Variants in SEMA6C observed in about 807,000 individuals in gnomAD.
SEMA6C encodes the protein semaphorin-6C.
In SEMA6C, 37 loss-of-function variants were observed where a neutral mutation model predicts 72.9. That is an observed-to-expected ratio of 0.51 (90% CI 0.39 to 0.67). SEMA6C has a LOEUF of 0.67. Ranked by LOEUF, SEMA6C falls within the 30% of genes least tolerant of loss-of-function variation. SEMA6C has a pLI of 0.00. For missense variants in SEMA6C, 1,189 were observed against 1,263.6 expected, an observed-to-expected ratio of 0.94 and a Z score of 0.89; for synonymous variants, 578 against 554.1, an observed-to-expected ratio of 1.04 and a Z score of -0.61.
intron 15 of SEMA6C, 116 bp from the exon 16 acceptor site, chr1:151,134,991 C>T: frequency 1.5e-6 from 2 of 1,322,176 alleles, no homozygotes; most frequent in Non-Finnish European, 2.2e-6. Context: ...CTCTCCTGTC[C>T]ACCTCAGTCT....
chr1:151,138,297 C>G lies in SEMA6C; in HGVS notation c.547+19G>C, dbSNP rs11809979. ...TCCCTCCAGCCACATGCTTTCTTCT[C>G]ACATGCCCAGTTGCACACCTGCAAA... On this transcript the variant is annotated intron_variant, in intron 8 of 18. Coordinates refer to ENST00000368914, the MANE Select transcript of SEMA6C (RefSeq NM_030913.6). 2.0e-3 allele frequency: 3,162 copies of G among 1,612,472 alleles called. 64 individuals are homozygous for G. In the African/African-American group the frequency reaches 0.038, roughly 19 times the overall value.
rs1361288808 is a variant in SEMA6C, at chr1:151,133,153, C to G, written c.2124G>C (p.Pro708=). The G allele has an allele frequency of 6.5e-7, 1 of 1,550,372 alleles. No individual in the cohort carries two copies. Among genetic ancestry groups the G allele is most frequent in the Admixed American group, 2.0e-5 (1 of 50,878 alleles). ...LPTPESTPEL[P]VKHLRAAGDP... ...CCCCGGCGGCGCGGAGGTGCTTGAC[C>G]GGCAGCTCCGGCGTGGACTCGGGGG... Residue 708 remains proline (P), a synonymous_variant, in exon 19 of 19, where the codon CCG becomes CCC. Transcript: ENST00000368914. This position sits in a 1 kb window ranked among gnomAD's most constrained non-coding sequence, Gnocchi z 5.9.
Position 151,133,090 on chromosome 1 carries a change from C to G in SEMA6C, c.2187G>C (p.Lys729Asn). 1 of 1,556,020 alleles carries G rather than the reference C, an allele frequency of 6.4e-7. No individual in the cohort carries two copies. Among genetic ancestry groups the G allele is most frequent in the Middle Eastern group, 1.7e-4 (1 of 5,762 alleles). Residue 729 changes from lysine (K) to asparagine (N), a missense_variant, in exon 19 of 19, where the codon AAG becomes AAC. Around this residue, in one of 2 missense-constraint regions of SEMA6C, gnomAD observed 721 missense variants for 686.2 expected, o/e 1.05. Coordinates refer to ENST00000368914, the MANE Select transcript of SEMA6C (RefSeq NM_030913.6). The surrounding 1 kb of genome is among the most constrained non-coding windows in gnomAD (Gnocchi z 5.9). ...WEWNQNRNNAKEGPGRSRGGH... is the reference protein window; with the variant it reads ...WEWNQNRNNANEGPGRSRGGH... ...CGCCCCGTGAGCGGCCCGGACCCTCCTTGGCGTTGTTCCTGTTCTGGTTCC... is the reference window on the plus strand; with the variant it reads ...CGCCCCGTGAGCGGCCCGGACCCTCGTTGGCGTTGTTCCTGTTCTGGTTCC...
intron 3 of SEMA6C, among the ~76,000 whole-genome samples, chr1:151,141,010 A>G (rs1572042113): frequency 6.6e-6 from 1 of 151,520 alleles, no homozygotes; most frequent in Non-Finnish European, 1.5e-5. Context: ...AAAAAAAAAA[A>G]ATTCATAATG....
At chr1:151,139,806 T>C (rs1682379890) in intron 4 of SEMA6C, 105 bp from the exon 5 acceptor site, 1 of 1,275,408 alleles carries the variant, frequency 7.8e-7, no homozygotes, top group Non-Finnish European at 1.1e-6. Context: ...GCCCTCCCCT[T>C]CCCCCTTCCT....
At chr1:151,138,977 C>T (rs1682287109) in intron 6 of SEMA6C, among the ~76,000 whole-genome samples, 1 of 151,734 alleles carries the variant, frequency 6.6e-6, no homozygotes, top group African/African-American at 2.4e-5. Context: ...CCTGTAATCC[C>T]AGCTACTTGG....
rs933716386 is a variant in SEMA6C, at chr1:151,132,752, G to A, written c.2525C>T (p.Pro842Leu). The change falls in exon 19 of 19, where the codon CCC (proline) becomes CTC (leucine). Residue 842 changes from proline (P) to leucine (L), a missense_variant. Pro to Leu is a moderately conservative substitution (Grantham distance 98). Transcript: ENST00000368914. ...PARPALSAPA[P>L]RLGVGGGRRL... Reference sequence around the variant, plus strand: ...CCGGCCTCCGCCGACGCCCAGCCGGGGAGCGGGGGCGGAGAGCGCGGGCCG... The same window carrying A: ...CCGGCCTCCGCCGACGCCCAGCCGGAGAGCGGGGGCGGAGAGCGCGGGCCG... 8.6e-5 allele frequency: 125 copies of A among 1,445,652 alleles called. No individual in the cohort carries two copies. The highest frequency in any genetic ancestry group is 1.0e-4 in the Non-Finnish European group (113 of 1,099,290). The allele number at this position is 1,445,652 out of a possible 1,614,324, so 89.6% of individuals were successfully genotyped here.
rs587715118 is a variant in SEMA6C at position 151,135,584 on chromosome 1, G to T, written c.1433+7C>A. On this transcript the variant is annotated splice_region_variant and intron_variant, in intron 14 of 18. Transcript: ENST00000368914. ...TTTGCAGGGGGCCTGCCCTCCAAAG[G>T]CCTCACCGGGCAGGGCTGTAGGCAT... 1.2e-5 allele frequency: 19 copies of T among 1,609,162 alleles called. No homozygotes were observed. In the East Asian group the frequency reaches 3.6e-4, roughly 30 times the overall value.
At chr1:151,140,743 C>G (rs148372732) in intron 3 of SEMA6C, among the ~76,000 whole-genome samples, 145 of 152,292 alleles carry the variant, frequency 9.5e-4, no homozygotes, top group African/African-American at 3.4e-3. Flanking sequence ...GCCTGTAATC[C>G]CAGCACTTTG....
chr1:151,136,246 C>G, intron 12 of SEMA6C, 83 bp from the exon 13 acceptor site: 2 of 1,566,968 alleles, frequency 1.3e-6, no homozygotes, highest in Non-Finnish European at 1.7e-6. Flanking sequence ...GCTCCCAAAC[C>G]TGACTGGAAA....
rs1435128873 is a variant in SEMA6C at position 151,132,552 on chromosome 1, G to A, written c.2725C>T (p.Leu909=). ...GAGGGCCCGACGAGGGGAGGCTTCA[G>A]GGACAACTGGGGCTTCTCGACGTCC... ...RVDVEKPQLS[L]KPPLVGPSSR... is the part of the protein sequence containing the mutation. The change falls in exon 19 of 19, where the codon CTG becomes TTG. Residue 909 remains leucine (L), a synonymous_variant. Coordinates refer to ENST00000368914, the MANE Select transcript of SEMA6C (RefSeq NM_030913.6). The A allele has an allele frequency of 1.3e-5, 20 of 1,550,966 alleles. No homozygotes were observed.
At chr1:151,139,562 C>G in intron 5 of SEMA6C, 76 bp downstream of exon 5, 2 of 1,603,662 alleles carry the variant, frequency 1.2e-6, no homozygotes, top group Non-Finnish European at 1.7e-6. Context: ...GATTCTTCTT[C>G]CCACCCACCT....
chr1:151,142,985 C>T (rs1327583168), intron 2 of SEMA6C, among the ~76,000 whole-genome samples: 3 of 152,176 alleles, frequency 2.0e-5, no homozygotes, highest in South Asian at 4.1e-4. Context: ...GTAGGTGACA[C>T]CTCCTGGCCC....
In SEMA6C at chr1:151,134,820, C is replaced by T. The variant is rs201872143; in HGVS notation, c.1636G>A (p.Val546Met). ...TACCCACCAGATCCCCTGATATCCA[C>T]ACAGCCCCTGGAGCTATGCCATCCA... is the stretch of plus-strand genomic sequence containing the variant. ...YCGWHSSRGCVDIRGSGGTDV... is the reference protein window; with the variant it reads ...YCGWHSSRGCMDIRGSGGTDV... The change falls in exon 16 of 19, where the codon GTG becomes ATG. Residue 546 changes from valine (V) to methionine (M), a missense_variant. Val to Met is a conservative substitution (Grantham distance 21). Transcript: ENST00000368914. 8 of 1,614,092 alleles carry T rather than the reference C, an allele frequency of 5.0e-6. No individual in the cohort carries two copies. The highest frequency in any genetic ancestry group is 1.7e-5 in the Admixed American group (1 of 60,006).
chr1:151,132,562 G>T lies in SEMA6C; in HGVS notation c.2715C>A (p.Pro905=), dbSNP rs1681628252. 1.3e-6 allele frequency: 2 copies of T among 1,551,360 alleles called. No individual in the cohort carries two copies. Among genetic ancestry groups the T allele is most frequent in the Admixed American group, 3.9e-5 (2 of 51,162 alleles). ...CGAGGGGAGGCTTCAGGGACAACTG[G>T]GGCTTCTCGACGTCCACCCTTTTCA... The part of the protein sequence containing the change: ...RALKRVDVEK[P]QLSLKPPLVG... The change falls in exon 19 of 19, where the codon CCC becomes CCA. Residue 905 remains proline (P), a synonymous_variant. Transcript: ENST00000368914.
At chr1:151,143,375 C>T (rs587664120) in intron 2 of SEMA6C, among the ~76,000 whole-genome samples, 2 of 152,322 alleles carry the variant, frequency 1.3e-5, no homozygotes, top group East Asian at 3.9e-4. Context: ...AAATTTAGCT[C>T]TGGCTGCAGC....
Position 151,134,804 on chromosome 1 carries a change from G to A in SEMA6C, c.1652C>T (p.Ser551Phe), listed in dbSNP as rs1681883775. The A allele has an allele frequency of 3.7e-6, 6 of 1,614,004 alleles. No homozygotes were observed. Among genetic ancestry groups the A allele is most frequent in the African/African-American group, 1.3e-5 (1 of 75,008 alleles). ...SSRGCVDIRG[S>F]GGTDVDQAGN... Reference sequence around the variant, plus strand: ...CCAAGGACCCATCACTTACCCACCAGATCCCCTGATATCCACACAGCCCCT... The same window carrying A: ...CCAAGGACCCATCACTTACCCACCAAATCCCCTGATATCCACACAGCCCCT... The change falls in exon 16 of 19, where the codon TCT becomes TTT. Residue 551 changes from serine (S) to phenylalanine (F), a missense_variant. Ser to Phe is a radical substitution (Grantham distance 155, BLOSUM62 -2). Around this residue, in one of 2 missense-constraint regions of SEMA6C, gnomAD observed 721 missense variants for 686.2 expected, o/e 1.05. Transcript: ENST00000368914.
intron 12 of SEMA6C, 35 bp downstream of exon 12, chr1:151,136,413 T>C: frequency 6.2e-7 from 1 of 1,607,814 alleles, no homozygotes. Context: ...CGCTGCTTGC[T>C]TCTGCCCCCA....
In SEMA6C at chr1:151,132,901, C is replaced by A; in HGVS notation, c.2376G>T (p.Ser792=). The A allele has an allele frequency of 3.0e-6, 4 of 1,341,668 alleles. No homozygotes were observed. The highest frequency in any genetic ancestry group is 1.5e-5 in the South Asian group (1 of 66,300). 83.1% of individuals were successfully genotyped at this position (1,341,668 alleles called of 1,614,324 possible). ...GGGCGGGCTCCGGCGGGAGCGCCCG[C>A]GAGGTTAAAGGGGCGGGGGGCTCGG... ...KGAEPPAPLT[S]RALPPEPAPA... is the part of the protein sequence containing the mutation. The change falls in exon 19 of 19, where the codon TCG becomes TCT. Residue 792 remains serine (S), a synonymous_variant. Transcript: ENST00000368914.
Sources: gnomAD v4.1 joint callset for allele counts (sites outside exome capture counted in the v4.1 genomes callset) on GRCh38, gnomAD v4.1.1 for gene constraint, gnomAD v4.1.1 regional missense constraint, Gnocchi (gnomAD v3.1) non-coding constraint, MANE v1.5 for transcripts, NCBI Gene and HGNC (gene_info 2026-07-23, HGNC 2026-07-21) for gene names.